PCYT1A: variants seen among roughly 807,000 people sequenced by gnomAD.
PCYT1A encodes choline-phosphate cytidylyltransferase A.
Under a neutral mutation model 43.7 loss-of-function variants are expected in PCYT1A, and 25 were observed. That is an observed-to-expected ratio of 0.57 (90% confidence interval 0.42 to 0.80). The LOEUF (loss-of-function observed/expected upper bound fraction) is 0.80. Ranked by LOEUF, PCYT1A falls within the 30% of genes least tolerant of loss-of-function variation. The pLI is 0.00. For missense variants in PCYT1A, 421 were observed against 474.2 expected (o/e 0.89, Z 1.04); for synonymous variants, 172 against 170.7 (o/e 1.01, Z -0.06).
At chr3:196,246,560 G>T (rs1465959896) in intron 5 of PCYT1A, among the ~76,000 whole-genome samples, 2 of 152,164 alleles carry the variant, frequency 1.3e-5, no homozygotes, top group Non-Finnish European at 2.9e-5. Flanking sequence ...TAATGTGGGA[G>T]AATTAAAAGG....
intron 2 of PCYT1A, among the ~76,000 whole-genome samples, chr3:196,258,353 G>C (rs1364467000): frequency 6.6e-6 from 1 of 151,818 alleles, no homozygotes; most frequent in Non-Finnish European, 1.5e-5. Context: ...GTTGTGAATG[G>C]AATTGTTTTC....
chr3:196,248,359 CTT>C, intron 3 of PCYT1A, 36 bp from the exon 4 acceptor site: 1 of 1,232,772 alleles, frequency 8.1e-7, no homozygotes, highest in Non-Finnish European at 1.2e-6. Flanking sequence ...ACAAAAATAC[CTT>C]TTTTTTTGTC....
intron 5 of PCYT1A, among the ~76,000 whole-genome samples, chr3:196,246,153 A>G (rs951019997): frequency 1.4e-4 from 22 of 152,166 alleles, no homozygotes; most frequent in African/African-American, 4.8e-4. Flanking sequence ...GAGAATTATA[A>G]AAGGTCTGTC....
chr3:196,266,044 G>A (rs1725262885), intron 2 of PCYT1A, among the ~76,000 whole-genome samples: 1 of 150,076 alleles, frequency 6.7e-6, no homozygotes, highest in African/African-American at 2.4e-5. Flanking sequence ...TGGCCTGCAA[G>A]TGCCCATTAA....
rs976375901 is a variant in PCYT1A at position 196,248,098 on chromosome 3, A to G, written c.334+109T>C. ...ATGTGTGTTAGAGAGGCTGTACTAC[A>G]TCCTTCATTTAAAAATGGAAACAAG... is the stretch of plus-strand genomic sequence containing the variant. On this transcript the variant is annotated intron_variant, in intron 4 of 8. Coordinates refer to ENST00000431016, the MANE Select transcript of PCYT1A (RefSeq NM_001312673.2). 4.1e-6 allele frequency: 3 copies of G among 724,234 alleles called. No homozygotes were observed. In the African/African-American group the frequency reaches 5.2e-5, roughly 13 times the overall value. The allele number at this position is 724,234 out of a possible 1,614,324, so 44.9% of individuals were successfully genotyped here. A position where few individuals can be genotyped will look rare whatever the true frequency, so the allele number is the denominator to read the frequency against.
chr3:196,280,570 G>GTTTTTTTTTTTT lies in PCYT1A; in HGVS notation c.-11+7033_-11+7044dup. Reference sequence around the variant, plus strand: ...TTATTGTTGTATTGGTATTTTTATTGTTTTTTTTTTTTTTTTTTTCTGAAT... The same window carrying GTTTTTTTTTTTT: ...TTATTGTTGTATTGGTATTTTTATTGTTTTTTTTTTTTTTTTTTTTTTTTTTTTTTTCTGAAT... On this transcript the variant is annotated intron_variant, in intron 1 of 8. Transcript: ENST00000431016. 8.0e-3 allele frequency among the ~76,000 whole-genome samples: 726 copies of GTTTTTTTTTTTT among 91,040 alleles called. 2 individuals are homozygous for GTTTTTTTTTTTT. The highest frequency in any genetic ancestry group is 9.9e-3 in the East Asian group (31 of 3,122). The allele number at this position is 91,040 out of a possible 152,430, so 59.7% of individuals were successfully genotyped here.
chr3:196,257,738 G>T, intron 3 of PCYT1A, 50 bp downstream of exon 3: 2 of 1,154,584 alleles, frequency 1.7e-6, no homozygotes, highest in Non-Finnish European at 2.6e-6. Flanking sequence ...AAAGACAATG[G>T]AATGCTAAAA....
chr3:196,262,829 C>G (rs1435558538), intron 2 of PCYT1A, among the ~76,000 whole-genome samples: 3 of 150,962 alleles, frequency 2.0e-5, no homozygotes, highest in Admixed American at 2.0e-4. Context: ...CAGTCTCACC[C>G]TGTCGCCCAG....
chr3:196,238,675 G>C lies in PCYT1A; in HGVS notation c.*13C>G. 2.7e-6 allele frequency: 4 copies of C among 1,482,234 alleles called. No homozygotes were observed. The highest frequency in any genetic ancestry group is 3.6e-6 in the Non-Finnish European group (4 of 1,105,730). 91.8% of individuals were successfully genotyped at this position (1,482,234 alleles called of 1,614,324 possible). ...GGGACAGAAAGGGAGGACAGGAAAGGAGGGAGGAAACATTAGTCTTCTTCA... is the reference window on the plus strand; with the variant it reads ...GGGACAGAAAGGGAGGACAGGAAAGCAGGGAGGAAACATTAGTCTTCTTCA... On this transcript the variant is annotated 3_prime_UTR_variant, in exon 9 of 9. Coordinates refer to ENST00000431016, the MANE Select transcript of PCYT1A (RefSeq NM_001312673.2).
chr3:196,249,826 T>C lies in PCYT1A; in HGVS notation c.218-1503A>G, dbSNP rs1257013368. Among the ~76,000 whole-genome samples, 238 of 134,142 alleles carry C rather than the reference T, an allele frequency of 1.8e-3. No individual in the cohort carries two copies. In the Middle Eastern group the frequency reaches 0.029, roughly 17 times the overall value. 88.0% of individuals were successfully genotyped at this position (134,142 alleles called of 152,430 possible). On this transcript the variant is annotated intron_variant, in intron 3 of 8. Coordinates refer to ENST00000431016, the MANE Select transcript of PCYT1A (RefSeq NM_001312673.2). ...AGGCTGAGGACCAGATACACTATGC[T>C]GAGGCTGAGGACCAGATACACTATG...
chr3:196,262,784 TTC>T (rs1040433286), intron 2 of PCYT1A, among the ~76,000 whole-genome samples: 2 of 118,590 alleles, frequency 1.7e-5, no homozygotes, highest in African/African-American at 6.0e-5. Flanking sequence ...TTTCTAAGGA[TTC>T]TTTTTTTTTT....
chr3:196,238,973 A>C, intron 8 of PCYT1A, 79 bp from the exon 9 acceptor site: 2 of 845,644 alleles, frequency 2.4e-6, no homozygotes, highest in Non-Finnish European at 1.7e-6. Flanking sequence ...GGACTGGGAT[A>C]GTCTATGCTG....
At chr3:196,286,061 C>CTTG (rs1560181548) in intron 1 of PCYT1A, among the ~76,000 whole-genome samples, 2 of 124,496 alleles carry the variant, frequency 1.6e-5, no homozygotes, top group South Asian at 2.6e-4. Context: ...ACCACTGTCC[C>CTTG]TTTTTTTTTT....
At chr3:196,271,201 T>TA (rs397971191) in intron 1 of PCYT1A, among the ~76,000 whole-genome samples, 1 of 151,640 alleles carries the variant, frequency 6.6e-6, no homozygotes, top group African/African-American at 2.4e-5. Context: ...TTTTTTTTTT[T>TA]AAGAGACAGG....
intron 1 of PCYT1A, among the ~76,000 whole-genome samples, chr3:196,279,108 T>G (rs1725676489): frequency 6.6e-6 from 1 of 150,938 alleles, no homozygotes; most frequent in Non-Finnish European, 1.5e-5. Flanking sequence ...GCCAACATGG[T>G]GAAGCCCGGT....
At chr3:196,269,837 T>C (rs1384360869) in intron 2 of PCYT1A, among the ~76,000 whole-genome samples, 1 of 152,026 alleles carries the variant, frequency 6.6e-6, no homozygotes, top group Non-Finnish European at 1.5e-5. Context: ...GAGCCCCAAT[T>C]TTTCTATTTC....
intron 2 of PCYT1A, among the ~76,000 whole-genome samples, chr3:196,263,340 T>C (rs1327016876): frequency 6.6e-6 from 1 of 152,190 alleles, no homozygotes; most frequent in Non-Finnish European, 1.5e-5. Flanking sequence ...CTCATCTTCC[T>C]GAGCAGCTAG....
chr3:196,251,706 G>A (rs1030606612), intron 3 of PCYT1A: 21 of 152,230 alleles, frequency 1.4e-4, no homozygotes, highest in Middle Eastern at 3.4e-3. Flanking sequence ...ACATTTCAAC[G>A]GAAGATTGAA....
intron 3 of PCYT1A, among the ~76,000 whole-genome samples, chr3:196,253,876 TTA>T (rs950442324): frequency 2.0e-5 from 3 of 151,500 alleles, no homozygotes; most frequent in African/African-American, 7.3e-5. Context: ...TTAATGTATG[TTA>T]TAGTATATAT....
Sources: gnomAD v4.1 joint callset for allele counts (sites outside exome capture counted in the v4.1 genomes callset) on GRCh38, gnomAD v4.1.1 for gene constraint, MANE v1.5 for transcripts, NCBI Gene and HGNC (gene_info 2026-07-23, HGNC 2026-07-21) for gene names.